The following TMEM135 variants were observed in gnomAD, a reference collection of about 807,000 sequenced individuals.
The protein encoded by TMEM135 is peroxisomal membrane protein 52.
A neutral mutation model predicts 60.3 loss-of-function variants in TMEM135; 30 were observed. The observed-to-expected ratio is 0.50, with a 90% CI of 0.37 to 0.68. The LOEUF is 0.68. TMEM135 is among the 30% of genes least tolerant of loss of function. The pLI is 0.00. For missense variants in TMEM135, 468 were observed against 548.8 expected, an observed-to-expected ratio of 0.85 and a Z score of 1.47; for synonymous variants, 190 against 186.7, an observed-to-expected ratio of 1.02 and a Z score of -0.14.
intron 4 of TMEM135, among the ~76,000 whole-genome samples, chr11:87,122,463 A>ATTTATTTATTTATTTC: frequency 1.3e-5 from 1 of 74,766 alleles, no homozygotes; most frequent in African/African-American, 1.3e-4. Context: ...TTATTTATTT[A>ATTTATTTATTTATTTC]TTATTTATTT....
intron 3 of TMEM135, among the ~76,000 whole-genome samples, chr11:87,081,140 A>G (rs1015132296): frequency 1.3e-5 from 2 of 148,190 alleles, no homozygotes; most frequent in African/African-American, 5.0e-5. Flanking sequence ...ATTTTTTTAT[A>G]TCTATTCTGC....
At chr11:87,210,510 G>A (rs1018884802) in intron 5 of TMEM135, among the ~76,000 whole-genome samples, 6 of 152,138 alleles carry the variant, frequency 3.9e-5, no homozygotes, top group Non-Finnish European at 7.4e-5. Flanking sequence ...TCCCAAAATT[G>A]AATCAGTAAT....
intron 3 of TMEM135, among the ~76,000 whole-genome samples, chr11:87,086,336 G>A (rs1360543374): frequency 6.6e-6 from 1 of 152,154 alleles, no homozygotes. Flanking sequence ...GCCTTGCTTA[G>A]CCCCAGGCCT....
Position 87,325,138 on chromosome 11 carries a change from T to A in TMEM135, c.*3805T>A. ...TCAAGGACTGAGATGACCCTCAGAT[T>A]GGGGGGCTGTCTTAGATTCTAGGGC... On this transcript the variant is annotated 3_prime_UTR_variant, in exon 15 of 15. Coordinates refer to ENST00000305494, the MANE Select transcript of TMEM135 (RefSeq NM_022918.4). 2.2e-6 allele frequency: 1 copy of A among 453,828 alleles called. No homozygotes were observed. The highest frequency in any genetic ancestry group is 4.4e-6 in the Non-Finnish European group (1 of 226,760). 28.1% of individuals were successfully genotyped at this position (453,828 alleles called of 1,614,324 possible). A position where few individuals can be genotyped will look rare whatever the true frequency, so the allele number is the denominator to read the frequency against.
chr11:87,324,751 A>T lies in TMEM135; in HGVS notation c.*3418A>T, dbSNP rs1942887853. 1 of 453,780 alleles carries T rather than the reference A, an allele frequency of 2.2e-6. No homozygotes were observed. The highest frequency in any genetic ancestry group is 4.4e-6 in the Non-Finnish European group (1 of 226,752). The allele number at this position is 453,780 out of a possible 1,614,324, so 28.1% of individuals were successfully genotyped here. A position where few individuals can be genotyped will look rare whatever the true frequency, so the allele number is the denominator to read the frequency against. On this transcript the variant is annotated 3_prime_UTR_variant, in exon 15 of 15. Coordinates refer to ENST00000305494, the MANE Select transcript of TMEM135 (RefSeq NM_022918.4). ...TAGCCATATTTTTATTTGTATGAGT[A>T]TTAAGTAGTTTGACACAGCAACAAA...
chr11:87,073,830 G>A (rs1424383373), intron 3 of TMEM135, among the ~76,000 whole-genome samples: 1 of 152,026 alleles, frequency 6.6e-6, no homozygotes, highest in Admixed American at 6.6e-5. Flanking sequence ...ACCACGCCTG[G>A]CTAATTTTTG....
At chr11:87,295,672 T>A (rs1942335160) in intron 6 of TMEM135, 110 bp from the exon 7 acceptor site, 1 of 849,510 alleles carries the variant, frequency 1.2e-6, no homozygotes, top group Admixed American at 2.3e-5. Context: ...ATGTTCAGAT[T>A]TTTGCCTTAA....
At chr11:87,166,009 T>C (rs4604911) in intron 5 of TMEM135, among the ~76,000 whole-genome samples, 53,950 of 148,550 alleles carry the variant, frequency 0.36, 10,672 homozygotes, top group East Asian at 0.66. Context: ...ATAAATTCCT[T>C]GACACATACA....
chr11:87,149,853 T>A (rs983026842), intron 4 of TMEM135, among the ~76,000 whole-genome samples: 27 of 152,236 alleles, frequency 1.8e-4, no homozygotes, highest in Non-Finnish European at 3.4e-4. Context: ...GTATTTGACC[T>A]ATTGGACACT....
chr11:87,280,966 A>T (rs1225313501), intron 6 of TMEM135, among the ~76,000 whole-genome samples: 1 of 152,180 alleles, frequency 6.6e-6, no homozygotes, highest in Non-Finnish European at 1.5e-5. Context: ...TTCATACTAT[A>T]ATCACTGTTC....
At chr11:87,111,368 C>G (rs924983594) in intron 4 of TMEM135, among the ~76,000 whole-genome samples, 3 of 152,004 alleles carry the variant, frequency 2.0e-5, no homozygotes, top group African/African-American at 7.2e-5. Flanking sequence ...AATTTCCTAG[C>G]CTGGCGCTGT....
intron 6 of TMEM135, among the ~76,000 whole-genome samples, chr11:87,255,642 C>G (rs1011533823): frequency 2.5e-5 from 3 of 119,272 alleles, no homozygotes; most frequent in African/African-American, 9.7e-5. Flanking sequence ...TAAGGAGAAT[C>G]TTGTCTCTTG....
intron 4 of TMEM135, among the ~76,000 whole-genome samples, chr11:87,126,550 G>A (rs1937735510): frequency 6.6e-6 from 1 of 151,332 alleles, no homozygotes; most frequent in African/African-American, 2.4e-5. Context: ...CGCTAAAAAT[G>A]TATACATTTA....
intron 3 of TMEM135, among the ~76,000 whole-genome samples, chr11:87,072,232 G>T (rs1037492779): frequency 9.9e-5 from 15 of 151,896 alleles, no homozygotes; most frequent in African/African-American, 3.6e-4. Flanking sequence ...TATAATCAAA[G>T]ATTTTTTCCA....
chr11:87,096,453 C>T (rs963452390), intron 4 of TMEM135: 3 of 152,138 alleles, frequency 2.0e-5, no homozygotes, highest in Admixed American at 6.6e-5. Flanking sequence ...TCCCCAGCAG[C>T]CTATAATATC....
chr11:87,125,636 A>T (rs555717254), intron 4 of TMEM135, among the ~76,000 whole-genome samples: 21 of 152,330 alleles, frequency 1.4e-4, no homozygotes, highest in African/African-American at 4.6e-4. Flanking sequence ...TGTGGTAAAG[A>T]GTTCGGACTT....
chr11:87,314,365 A>G, intron 11 of TMEM135, 106 bp from the exon 12 acceptor site: 2 of 922,844 alleles, frequency 2.2e-6, no homozygotes, highest in South Asian at 2.8e-5. Context: ...TTGTGTTGTA[A>G]CAAGAGATAG....
chr11:87,241,492 G>A (rs945054479), intron 6 of TMEM135, among the ~76,000 whole-genome samples: 1 of 152,000 alleles, frequency 6.6e-6, no homozygotes, highest in African/African-American at 2.4e-5. Flanking sequence ...CATTTATCAT[G>A]TCTCTGTGTT....
At position 87,207,338 on chromosome 11, in the gene TMEM135, C is replaced by T. The variant is rs557571955; in HGVS notation, c.463-29300C>T. Among the ~76,000 whole-genome samples, 21 of 152,180 alleles carry T rather than the reference C, an allele frequency of 1.4e-4. No individual in the cohort carries two copies. In the Middle Eastern group the frequency reaches 0.014, roughly 99 times the overall value. On this transcript the variant is annotated intron_variant, in intron 5 of 14. Coordinates refer to ENST00000305494, the MANE Select transcript of TMEM135 (RefSeq NM_022918.4). ...GCTTTTTTATTGACTTTGGAAGTTC[C>T]GCTGTGACTCTCTTACCTTATGGCT...
Sources: allele counts gnomAD v4.1 joint callset (sites outside exome capture counted in the v4.1 genomes callset), GRCh38; gene constraint gnomAD v4.1.1; transcripts MANE v1.5; gene names NCBI Gene and HGNC (gene_info 2026-07-23, HGNC 2026-07-21).